The following CTIF variants were observed in gnomAD, a reference collection of about 807,000 sequenced individuals.
The protein encoded by CTIF is CBP80/20-dependent translation initiation factor.
CTIF carries 21 observed loss-of-function variants against 66.0 expected under a neutral mutation model. The ratio of observed to expected loss-of-function variants is 0.32; its 90% CI spans 0.23 to 0.46. CTIF has a LOEUF of 0.46. CTIF is among the 20% of genes least tolerant of loss of function. The pLI is 1.00. For synonymous variants in CTIF, 345 were observed against 326.4 expected, an observed-to-expected ratio of 1.06 and a Z score of -0.62; for missense variants, 739 against 812.7, an observed-to-expected ratio of 0.91 and a Z score of 1.10.
intron 3 of CTIF, among the ~76,000 whole-genome samples, chr18:48,660,163 G>A (rs184645134): frequency 1.3e-5 from 2 of 149,232 alleles, no homozygotes; most frequent in Admixed American, 6.7e-5. Context: ...TATGGATGTA[G>A]GCTCTTGATA....
Position 48,789,548 on chromosome 18 carries a change from C to T in CTIF, c.1372-27673C>T, listed in dbSNP as rs112146046. 8.8e-3 allele frequency among the ~76,000 whole-genome samples: 1,335 copies of T among 152,266 alleles called. 15 individuals carry two copies. The highest frequency in any genetic ancestry group is 0.028 in the African/African-American group (1,150 of 41,534). ...ATTATAGGTCTAGCCCTGTCTGAAA[C>T]TCTAGGGAGATACAGTCAAGTGTAG... On this transcript the variant is annotated intron_variant, in intron 9 of 11. Coordinates refer to ENST00000256413, the MANE Select transcript of CTIF (RefSeq NM_014772.3).
intron 2 of CTIF, among the ~76,000 whole-genome samples, chr18:48,622,278 G>A (rs1032365994): frequency 6.6e-6 from 1 of 152,144 alleles, no homozygotes; most frequent in East Asian, 1.9e-4. Context: ...CTAGAAAGAT[G>A]GTGGGGGTGT....
intron 9 of CTIF, among the ~76,000 whole-genome samples, chr18:48,814,980 T>TAA (rs1159176077): frequency 6.6e-6 from 1 of 152,204 alleles, no homozygotes; most frequent in Admixed American, 6.5e-5. Flanking sequence ...CAGGCATGGC[T>TAA]GCACTTACAA....
At position 48,746,156 on chromosome 18, in the gene CTIF, G is replaced by T. The variant is rs532333457; in HGVS notation, c.585-11763G>T. 2.2e-4 allele frequency among the ~76,000 whole-genome samples: 33 copies of T among 152,310 alleles called. No individual in the cohort carries two copies. In the South Asian group the frequency reaches 6.6e-3, roughly 31 times the overall value. On this transcript the variant is annotated intron_variant, in intron 7 of 11. Coordinates refer to ENST00000256413, the MANE Select transcript of CTIF (RefSeq NM_014772.3). ...CGGCTCCTCTGTGTCCCATCTGTGG[G>T]GCCATCTTTGCTTCACGTAGGGGCC...
At chr18:48,834,222 C>T (rs2068759627) in intron 10 of CTIF, among the ~76,000 whole-genome samples, 1 of 152,236 alleles carries the variant, frequency 6.6e-6, no homozygotes, top group Non-Finnish European at 1.5e-5. Flanking sequence ...AGAGCAAGCG[C>T]CTCCACTCTG....
chr18:48,582,917 C>G lies in CTIF; in HGVS notation c.-28-36621C>G, dbSNP rs544700544. ...GCTCCAGACTCCATGCTCCTGGGCA[C>G]TCTTCCTCCTCAGCAGAGCAGGCCA... On this transcript the variant is annotated intron_variant, in intron 1 of 11. Transcript: ENST00000256413. Among the ~76,000 whole-genome samples the G allele has an allele frequency of 3.9e-5, 6 of 152,338 alleles. No individual in the cohort carries two copies. In the South Asian group the frequency reaches 1.2e-3, roughly 32 times the overall value.
intron 9 of CTIF, among the ~76,000 whole-genome samples, chr18:48,806,669 G>A (rs79293504): frequency 1.3e-5 from 2 of 152,188 alleles, no homozygotes; most frequent in Non-Finnish European, 2.9e-5. Context: ...GGTGGTTTGC[G>A]CTGCTGGGTG....
At chr18:48,804,398 A>G (rs113523639) in intron 9 of CTIF, among the ~76,000 whole-genome samples, 189 of 152,260 alleles carry the variant, frequency 1.2e-3, no homozygotes, top group African/African-American at 4.3e-3. Flanking sequence ...CCTCAGGGCC[A>G]GGCCTCAGGG....
chr18:48,823,424 T>C (rs4939818), intron 10 of CTIF, among the ~76,000 whole-genome samples: 62,283 of 152,080 alleles, frequency 0.41, 13,497 homozygotes, highest in South Asian at 0.54. Flanking sequence ...AGACTGTCTT[T>C]TCCCCATTGT....
intron 6 of CTIF, among the ~76,000 whole-genome samples, chr18:48,684,318 G>A (rs373411054): frequency 9.2e-5 from 14 of 152,268 alleles, no homozygotes; most frequent in African/African-American, 3.4e-4. Flanking sequence ...GCCTGTGACA[G>A]AAAATAGCAG....
chr18:48,730,108 A>T (rs1378597307), intron 7 of CTIF, among the ~76,000 whole-genome samples: 4 of 152,214 alleles, frequency 2.6e-5, no homozygotes, highest in Non-Finnish European at 5.9e-5. Context: ...AAATAAAGCC[A>T]CAAGTTCAGT....
intron 7 of CTIF, among the ~76,000 whole-genome samples, chr18:48,756,821 T>C (rs145952888): frequency 1.6e-4 from 25 of 152,368 alleles, no homozygotes; most frequent in Admixed American, 1.3e-4. Context: ...TTGTTCCTGC[T>C]GCACAACTCA....
At chr18:48,612,677 C>A (rs927284976) in intron 1 of CTIF, among the ~76,000 whole-genome samples, 4 of 152,216 alleles carry the variant, frequency 2.6e-5, no homozygotes, top group Non-Finnish European at 5.9e-5. Flanking sequence ...CCCCATTGCC[C>A]ACCACAGCTC....
chr18:48,782,372 T>C (rs1405625360), intron 9 of CTIF, among the ~76,000 whole-genome samples: 1 of 152,006 alleles, frequency 6.6e-6, no homozygotes, highest in Non-Finnish European at 1.5e-5. Flanking sequence ...GGGGCAGCAC[T>C]CTGTTTTCCT....
intron 1 of CTIF, among the ~76,000 whole-genome samples, chr18:48,600,835 T>G (rs1203483316): frequency 6.6e-6 from 1 of 152,172 alleles, no homozygotes; most frequent in Non-Finnish European, 1.5e-5. Flanking sequence ...CCCTGCAATA[T>G]TCCCAGCCAG....
At chr18:48,781,516 T>C (rs2146056015) in intron 9 of CTIF, among the ~76,000 whole-genome samples, 2 of 152,250 alleles carry the variant, frequency 1.3e-5, no homozygotes, top group East Asian at 3.9e-4. Flanking sequence ...CCGTTCTCTG[T>C]GTATCTGCAT....
At chr18:48,841,558 A>G (rs866171807) in intron 10 of CTIF, among the ~76,000 whole-genome samples, 1 of 152,184 alleles carries the variant, frequency 6.6e-6, no homozygotes, top group Non-Finnish European at 1.5e-5. Context: ...CCCCTGGCAT[A>G]TGGCTGGGCC....
chr18:48,639,666 G>A lies in CTIF; in HGVS notation c.252+2981G>A, dbSNP rs143333586. Among the ~76,000 whole-genome samples the A allele has an allele frequency of 2.7e-3, 413 of 152,332 alleles. 1 individual carries two copies. Among genetic ancestry groups the A allele is most frequent in the African/African-American group, 9.7e-3 (402 of 41,572 alleles). On this transcript the variant is annotated intron_variant, in intron 3 of 11. Coordinates refer to ENST00000256413, the MANE Select transcript of CTIF (RefSeq NM_014772.3). The stretch of plus-strand genomic sequence containing the variant: ...CTGAATTTATTAGGTACAAACAACA[G>A]GGTGGCATAAACAAGAGGAATCTTT...
At chr18:48,822,358 C>T (rs1022704338) in intron 10 of CTIF, among the ~76,000 whole-genome samples, 1 of 151,826 alleles carries the variant, frequency 6.6e-6, no homozygotes, top group African/African-American at 2.4e-5. Context: ...CATTTCAAGT[C>T]CTCTCTTCTA....
Sources: allele counts gnomAD v4.1 joint callset (sites outside exome capture counted in the v4.1 genomes callset), GRCh38; gene constraint gnomAD v4.1.1; transcripts MANE v1.5; gene names NCBI Gene and HGNC (gene_info 2026-07-23, HGNC 2026-07-21).